ADGRL3: variants seen among roughly 807,000 people sequenced by gnomAD.
ADGRL3 encodes calcium-independent alpha-latrotoxin receptor 3.
ADGRL3 carries 62 observed loss-of-function variants against 153.5 expected under a neutral mutation model. The ratio of observed to expected loss-of-function variants is 0.40; its 90% CI spans 0.33 to 0.50. The LOEUF (loss-of-function observed/expected upper bound fraction) is 0.50. Ranked by LOEUF, ADGRL3 falls within the 20% of genes least tolerant of loss-of-function variation. The pLI is 0.47. For synonymous variants in ADGRL3, 710 were observed against 672.5 expected, an observed-to-expected ratio of 1.06 and a Z score of -0.86; for missense variants, 1,641 against 1,859.4, an observed-to-expected ratio of 0.88 and a Z score of 2.16.
chr4:61,979,122 T>G (rs546905159), intron 17 of ADGRL3, among the ~76,000 whole-genome samples: 30 of 152,298 alleles, frequency 2.0e-4, no homozygotes, highest in Non-Finnish European at 4.0e-4. Context: ...ACTCCTTAGA[T>G]GATTCAAAAA....
At chr4:61,862,167 A>G (rs988347686) in intron 9 of ADGRL3, among the ~76,000 whole-genome samples, 14 of 152,178 alleles carry the variant, frequency 9.2e-5, no homozygotes, top group African/African-American at 3.1e-4. Context: ...TTGTTTCCCC[A>G]TGACTTAGGG....
At chr4:61,419,596 C>T (rs2097179327) in intron 2 of ADGRL3, among the ~76,000 whole-genome samples, 1 of 152,132 alleles carries the variant, frequency 6.6e-6, no homozygotes, top group Admixed American at 6.5e-5. Flanking sequence ...ACACAGACTC[C>T]ACATGCAAAC....
At chr4:61,317,072 A>G (rs1385093716) in intron 1 of ADGRL3, among the ~76,000 whole-genome samples, 1 of 152,210 alleles carries the variant, frequency 6.6e-6, no homozygotes, top group Non-Finnish European at 1.5e-5. Flanking sequence ...TTATCTAGAA[A>G]GGTATAAGAG....
chr4:61,423,304 G>T (rs945778911), intron 2 of ADGRL3, among the ~76,000 whole-genome samples: 1 of 152,124 alleles, frequency 6.6e-6, no homozygotes, highest in African/African-American at 2.4e-5. Flanking sequence ...TTAAGATTTG[G>T]ATACATAGAG....
At chr4:61,882,212 AT>A (rs1480300957) in intron 9 of ADGRL3, among the ~76,000 whole-genome samples, 1 of 152,194 alleles carries the variant, frequency 6.6e-6, no homozygotes, top group East Asian at 1.9e-4. Flanking sequence ...AAGAATTTGT[AT>A]AAGAAGGACA....
intron 1 of ADGRL3, among the ~76,000 whole-genome samples, chr4:61,269,433 G>T (rs561343043): frequency 7.1e-4 from 108 of 151,672 alleles, no homozygotes; most frequent in Non-Finnish European, 1.1e-3. Flanking sequence ...TCTGATGATG[G>T]TTGTGTAGCC....
At chr4:61,230,964 T>C (rs1253383261) in intron 1 of ADGRL3, among the ~76,000 whole-genome samples, 1 of 152,156 alleles carries the variant, frequency 6.6e-6, no homozygotes. Flanking sequence ...CGTGCAAGCA[T>C]CTAGTCCAAG....
At chr4:62,051,488 G>A (rs535321210) in intron 25 of ADGRL3, among the ~76,000 whole-genome samples, 1 of 150,384 alleles carries the variant, frequency 6.6e-6, no homozygotes, top group Non-Finnish European at 1.5e-5. Flanking sequence ...GCTATAAATC[G>A]TTGGCAGGAT....
intron 9 of ADGRL3, among the ~76,000 whole-genome samples, chr4:61,847,114 A>G (rs893096959): frequency 6.6e-6 from 1 of 151,968 alleles, no homozygotes; most frequent in African/African-American, 2.4e-5. Context: ...AGTATATCAT[A>G]TGGGTATTAG....
intron 17 of ADGRL3, among the ~76,000 whole-genome samples, chr4:61,963,414 C>T (rs1468404965): frequency 6.6e-6 from 1 of 151,974 alleles, no homozygotes; most frequent in Non-Finnish European, 1.5e-5. Flanking sequence ...CACCCCCTCC[C>T]ACCCTCCACT....
chr4:61,603,548 T>G (rs1270104980), intron 5 of ADGRL3, among the ~76,000 whole-genome samples: 1 of 152,120 alleles, frequency 6.6e-6, no homozygotes, highest in African/African-American at 2.4e-5. Context: ...ATAAACACAT[T>G]CCACTGTAAG....
At chr4:61,405,427 A>G (rs2096982538) in intron 2 of ADGRL3, among the ~76,000 whole-genome samples, 1 of 151,980 alleles carries the variant, frequency 6.6e-6, no homozygotes, top group Admixed American at 6.6e-5. Flanking sequence ...GTTTACATGC[A>G]TATCTATAGT....
At chr4:61,538,656 G>T (rs1041199634) in intron 4 of ADGRL3, among the ~76,000 whole-genome samples, 6 of 152,006 alleles carry the variant, frequency 3.9e-5, no homozygotes, top group African/African-American at 1.4e-4. Flanking sequence ...TGGTCAGGCT[G>T]GTCTCGAACT....
chr4:61,964,509 C>CT (rs1275515911), intron 17 of ADGRL3, among the ~76,000 whole-genome samples: 3 of 151,680 alleles, frequency 2.0e-5, no homozygotes, highest in African/African-American at 4.8e-5. Context: ...GTGACAGACT[C>CT]TTTTTTTTCA....
intron 5 of ADGRL3, among the ~76,000 whole-genome samples, chr4:61,607,156 G>C (rs1188578030): frequency 1.3e-5 from 2 of 152,136 alleles, no homozygotes; most frequent in Non-Finnish European, 2.9e-5. Context: ...GCTGATGAGT[G>C]GGGGATGCAA....
intron 4 of ADGRL3, among the ~76,000 whole-genome samples, chr4:61,584,668 T>C (rs903622553): frequency 6.6e-6 from 1 of 152,002 alleles, no homozygotes; most frequent in African/African-American, 2.4e-5. Flanking sequence ...TGATTTTTTA[T>C]AAAATGGTTA....
At chr4:61,582,049 T>C (rs2149292167) in intron 4 of ADGRL3, among the ~76,000 whole-genome samples, 1 of 152,174 alleles carries the variant, frequency 6.6e-6, no homozygotes, top group Non-Finnish European at 1.5e-5. Flanking sequence ...GGGAAGGAAA[T>C]AGAAAATAAA....
intron 13 of ADGRL3, among the ~76,000 whole-genome samples, chr4:61,934,190 T>C (rs1400910573): frequency 6.6e-6 from 1 of 152,156 alleles, no homozygotes; most frequent in African/African-American, 2.4e-5. Flanking sequence ...CTGAGGACCA[T>C]AGGTAGTAAG....
intron 1 of ADGRL3, among the ~76,000 whole-genome samples, chr4:61,285,473 G>C (rs2093898882): frequency 6.6e-6 from 1 of 151,650 alleles, no homozygotes; most frequent in South Asian, 2.1e-4. Context: ...AATCCATTTG[G>C]GTTGGTTCTC....
Sources: allele counts gnomAD v4.1 joint callset (sites outside exome capture counted in the v4.1 genomes callset), GRCh38; gene constraint gnomAD v4.1.1; transcripts MANE v1.5; gene names NCBI Gene and HGNC (gene_info 2026-07-23, HGNC 2026-07-21).